Variants in CD55 observed in about 807,000 individuals in gnomAD.
CD55 encodes the protein complement decay-accelerating factor.
Under a neutral mutation model 45.8 loss-of-function variants are expected in CD55, and 41 were observed. That is an observed-to-expected ratio of 0.90 (90% CI 0.70 to 1.16). CD55 has a LOEUF of 1.16. Among genes scored for constraint, CD55 ranks in the 50% most tolerant of loss-of-function variants. The pLI is 0.00. For missense variants in CD55, 416 were observed against 469.8 expected (o/e 0.89, Z 1.06); for synonymous variants, 181 against 181.1 (o/e 1.00, Z 0.01).
intron 9 of CD55, chr1:207,340,843 A>AT (rs1477331261): frequency 1.3e-5 from 5 of 390,102 alleles, no homozygotes; most frequent in Admixed American, 9.0e-5. Flanking sequence ...AGATAGTTAT[A>AT]TTTTTTTATG....
Position 207,357,298 on chromosome 1 carries a change from G to A in CD55, c.1082-2248G>A, listed in dbSNP as rs145301569. Among the ~76,000 whole-genome samples, 349 of 151,880 alleles carry A rather than the reference G, an allele frequency of 2.3e-3. 5 individuals carry two copies. The highest frequency in any genetic ancestry group is 7.7e-4 in the Non-Finnish European group (52 of 67,940). On this transcript the variant is annotated intron_variant, in intron 9 of 9. Transcript: ENST00000367064. ...CTTTTTCTCCAGATATATCAGAAAC[G>A]TTTTAGGAATGTGATTTAGAGCCTA...
In CD55 at chr1:207,324,707, C is replaced by T; in HGVS notation, c.435C>T (p.Cys145=). Residue 145 remains cysteine (C), a synonymous_variant, in exon 3 of 10, where the codon TGC becomes TGT. Coordinates refer to ENST00000367064, the MANE Select transcript of CD55 (RefSeq NM_000574.5). ...CTTCTCTATCACCAAAACTAACTTG[C>T]CTTCAGAATTTAAAATGGTCCACAG... ...REPSLSPKLT[C]LQNLKWSTAV... is the part of the protein sequence containing the mutation. 6.2e-7 allele frequency: 1 copy of T among 1,612,998 alleles called. No homozygotes were observed. The highest frequency in any genetic ancestry group is 8.5e-7 in the Non-Finnish European group (1 of 1,179,534).
At chr1:207,336,908 G>C in intron 7 of CD55, 90 bp downstream of exon 7, 1 of 1,441,064 alleles carries the variant, frequency 6.9e-7, no homozygotes, top group South Asian at 1.2e-5. Flanking sequence ...ACCCACCACA[G>C]TAAATGTCCC....
At chr1:207,345,703 G>C (rs1484641107) in intron 9 of CD55, among the ~76,000 whole-genome samples, 3 of 152,050 alleles carry the variant, frequency 2.0e-5, no homozygotes, top group African/African-American at 2.4e-5. Flanking sequence ...GATATTTGCT[G>C]TTTCTAATTT....
In CD55 at chr1:207,321,826, C is replaced by A; in HGVS notation, c.61C>A (p.Leu21Met). Residue 21 changes from leucine (L) to methionine (M), a missense_variant, in exon 1 of 10, where the codon CTG becomes ATG. Physicochemically the swap from Leu to Met is conservative, Grantham distance 15. Transcript: ENST00000367064. The part of the protein sequence containing the change: ...ALPLLGELPR[L>M]LLLVLLCLPA... The stretch of plus-strand genomic sequence containing the variant: ...GCCCCTCCTCGGGGAGCTGCCCCGG[C>A]TGCTGCTGCTGGTGCTGTTGTGCCT... 6.5e-7 allele frequency: 1 copy of A among 1,526,966 alleles called. No homozygotes were observed. The highest frequency in any genetic ancestry group is 2.5e-5 in the East Asian group (1 of 40,142). The allele number at this position is 1,526,966 out of a possible 1,614,324, so 94.6% of individuals were successfully genotyped here.
At chr1:207,347,182 T>G (rs1236501548) in intron 9 of CD55, 3 of 456,168 alleles carry the variant, frequency 6.6e-6, no homozygotes, top group Non-Finnish European at 1.3e-5. Context: ...TCAGACATCT[T>G]GAAGCCACTC....
chr1:207,352,009 A>G (rs973093347), intron 9 of CD55, among the ~76,000 whole-genome samples: 1 of 152,182 alleles, frequency 6.6e-6, no homozygotes, highest in Non-Finnish European at 1.5e-5. Flanking sequence ...TTCTTTAAAG[A>G]TAAATTAACT....
rs779032260 is a variant in CD55 at position 207,324,694 on chromosome 1, C to T, written c.422C>T (p.Pro141Leu). ...PGYRREPSLS[P>L]KLTCLQNLKW... Reference sequence around the variant, plus strand: ...TACAGAAGAGAACCTTCTCTATCACCAAAACTAACTTGCCTTCAGAATTTA... The same window carrying T: ...TACAGAAGAGAACCTTCTCTATCACTAAAACTAACTTGCCTTCAGAATTTA... The change falls in exon 3 of 10, where the codon CCA (proline) becomes CTA (leucine). Residue 141 changes from proline to leucine, a missense_variant. Transcript: ENST00000367064. The T allele has an allele frequency of 6.2e-7, 1 of 1,613,368 alleles. No individual in the cohort carries two copies. Among genetic ancestry groups the T allele is most frequent in the Non-Finnish European group, 8.5e-7 (1 of 1,179,662 alleles).
chr1:207,332,336 ATAT>A (rs1258181485), intron 6 of CD55, among the ~76,000 whole-genome samples: 1 of 152,160 alleles, frequency 6.6e-6, no homozygotes. Flanking sequence ...TGATGCTATA[ATAT>A]TCTTGTACAT....
chr1:207,330,660 G>C (rs1654901548), intron 5 of CD55, among the ~76,000 whole-genome samples: 1 of 152,088 alleles, frequency 6.6e-6, no homozygotes, highest in African/African-American at 2.4e-5. Flanking sequence ...TTCCCTCTTA[G>C]AGTGAAGAGC....
rs1322750322 is a variant in CD55 at position 207,360,806 on chromosome 1, G to C, written c.*1196G>C. ...TGTTAGACTAGACTAAGATGTACTA[G>C]TTGTATAGAATATAACTAGATTTAT... On this transcript the variant is annotated 3_prime_UTR_variant, in exon 10 of 10. Coordinates refer to ENST00000367064, the MANE Select transcript of CD55 (RefSeq NM_000574.5). 3 of 152,098 alleles carry C rather than the reference G, an allele frequency of 2.0e-5. No homozygotes were observed. Among genetic ancestry groups the C allele is most frequent in the Non-Finnish European group, 4.4e-5 (3 of 68,012 alleles). 9.4% of individuals were successfully genotyped at this position (152,098 alleles called of 1,614,324 possible). A position where few individuals can be genotyped will look rare whatever the true frequency, so the allele number is the denominator to read the frequency against.
intron 6 of CD55, among the ~76,000 whole-genome samples, chr1:207,334,533 A>G (rs890980795): frequency 1.3e-5 from 2 of 152,162 alleles, no homozygotes; most frequent in Non-Finnish European, 2.9e-5. Context: ...ATAGAATACA[A>G]ATGCACAATA....
At chr1:207,339,519 G>A in intron 9 of CD55, 102 bp downstream of exon 9, 1 of 920,866 alleles carries the variant, frequency 1.1e-6, no homozygotes. Flanking sequence ...TTAAAAAAAT[G>A]TATCCTGCAA....
intron 9 of CD55, chr1:207,350,134 G>A (rs1264359454): frequency 4.4e-6 from 2 of 453,680 alleles, no homozygotes; most frequent in Non-Finnish European, 8.9e-6. Flanking sequence ...TTTTTTGTTT[G>A]TAGTTCTGTT....
chr1:207,325,750 T>C (rs1654653703), intron 4 of CD55, 29 bp downstream of exon 4: 1 of 1,338,134 alleles, frequency 7.5e-7, no homozygotes, highest in Admixed American at 1.8e-5. Context: ...AAACCCTGTA[T>C]TTAGGAAATG....
chr1:207,359,439 A>T, intron 9 of CD55, 107 bp from the exon 10 acceptor site: 1 of 1,158,026 alleles, frequency 8.6e-7, no homozygotes, highest in Non-Finnish European at 1.2e-6. Context: ...AAATTAACTG[A>T]TTCTTTTTGG....
intron 9 of CD55, among the ~76,000 whole-genome samples, chr1:207,341,914 C>A (rs547435154): frequency 2.7e-4 from 41 of 152,142 alleles, no homozygotes; most frequent in African/African-American, 8.4e-4. Flanking sequence ...TCTTCGATTT[C>A]TTTTATCTAT....
chr1:207,330,063 G>A (rs1654872812), intron 5 of CD55, among the ~76,000 whole-genome samples: 1 of 152,022 alleles, frequency 6.6e-6, no homozygotes, highest in Admixed American at 6.6e-5. Flanking sequence ...TAAGACATAG[G>A]AACTATATCT....
At chr1:207,350,005 G>T (rs183022012) in intron 9 of CD55, 1 of 400,246 alleles carries the variant, frequency 2.5e-6, no homozygotes, top group Non-Finnish European at 4.9e-6. Flanking sequence ...TTTTCCTGGC[G>T]GCTCTTATTA....
Sources: gnomAD v4.1 joint callset for allele counts (sites outside exome capture counted in the v4.1 genomes callset) on GRCh38, gnomAD v4.1.1 for gene constraint, MANE v1.5 for transcripts, NCBI Gene and HGNC (gene_info 2026-07-23, HGNC 2026-07-21) for gene names.